KCNMA1: variants seen among roughly 807,000 people sequenced by gnomAD.
KCNMA1 encodes Calcium-activated potassium channel subunit alpha-1.
KCNMA1 carries 29 observed loss-of-function variants against 140.0 expected under a neutral mutation model. The observed-to-expected ratio is 0.21, with a 90% CI of 0.15 to 0.28. The LOEUF (loss-of-function observed/expected upper bound fraction) is 0.28. KCNMA1 is among the 10% of genes least tolerant of loss of function. KCNMA1 has a pLI of 1.00. For missense variants in KCNMA1, 880 were observed against 1,602.2 expected, an observed-to-expected ratio of 0.55 and a Z score of 7.70; for synonymous variants, 612 against 611.9, an observed-to-expected ratio of 1.00 and a Z score of 0.00.
chr10:76,977,899 C>T (rs1446818932), intron 19 of KCNMA1: 9 of 441,002 alleles, frequency 2.0e-5, no homozygotes, highest in Non-Finnish European at 3.7e-5. Flanking sequence ...AGCAATTCCT[C>T]GAAGCTGTCA....
In KCNMA1 at chr10:77,179,767, A is replaced by G. The variant is rs141541378; in HGVS notation, c.808+3654T>C. ...GGACAAGATAATCTCTCTTAGCCTCAGTTTCTTCATCTGTAAATGGGGAAA... is the reference window on the plus strand; with the variant it reads ...GGACAAGATAATCTCTCTTAGCCTCGGTTTCTTCATCTGTAAATGGGGAAA... On this transcript the variant is annotated intron_variant, in intron 5 of 27. Transcript: ENST00000286628. Among the ~76,000 whole-genome samples the G allele has an allele frequency of 3.7e-4, 57 of 152,244 alleles. 1 individual carries two copies. Among genetic ancestry groups the G allele is most frequent in the African/African-American group, 1.3e-3 (56 of 41,544 alleles).
intron 2 of KCNMA1, among the ~76,000 whole-genome samples, chr10:77,276,119 C>A (rs922689330): frequency 3.3e-5 from 5 of 152,208 alleles, no homozygotes; most frequent in Non-Finnish European, 7.3e-5. Context: ...CAGGCTGCTG[C>A]ATCTCAGAGT....
intron 5 of KCNMA1, among the ~76,000 whole-genome samples, chr10:77,156,039 A>G (rs998227605): frequency 6.6e-6 from 1 of 152,076 alleles, no homozygotes; most frequent in South Asian, 2.1e-4. Flanking sequence ...CATCCTGGCT[A>G]ACAGGGTGAA....
At chr10:77,133,070 A>G (rs986502115) in intron 5 of KCNMA1, among the ~76,000 whole-genome samples, 3 of 151,912 alleles carry the variant, frequency 2.0e-5, no homozygotes, top group African/African-American at 7.2e-5. Context: ...AATCATATAT[A>G]TTAACAGAAA....
At chr10:77,314,733 C>G (rs1184929906) in intron 2 of KCNMA1, among the ~76,000 whole-genome samples, 1 of 152,126 alleles carries the variant, frequency 6.6e-6, no homozygotes. Flanking sequence ...CTCACCAACT[C>G]TCTTCCTAAA....
chr10:77,391,601 T>C (rs2095825015), intron 2 of KCNMA1, among the ~76,000 whole-genome samples: 1 of 144,260 alleles, frequency 6.9e-6, no homozygotes, highest in South Asian at 2.3e-4. Flanking sequence ...GTCATTTCCC[T>C]GAAGTAGGTT....
chr10:77,568,159 G>A (rs1644491888), intron 1 of KCNMA1, among the ~76,000 whole-genome samples: 1 of 152,192 alleles, frequency 6.6e-6, no homozygotes, highest in Non-Finnish European at 1.5e-5. Flanking sequence ...AGAGGTACAA[G>A]GAGGAACTGG....
At chr10:77,322,642 A>G (rs1249211318) in intron 2 of KCNMA1, among the ~76,000 whole-genome samples, 1 of 152,156 alleles carries the variant, frequency 6.6e-6, no homozygotes, top group African/African-American at 2.4e-5. Context: ...AAAGTTGTCA[A>G]TGAGGGGAAG....
At chr10:76,879,530 C>T (rs2033702387) in intron 29 of KCNMA1, among the ~76,000 whole-genome samples, 1 of 152,062 alleles carries the variant, frequency 6.6e-6, no homozygotes, top group South Asian at 2.1e-4. Context: ...GCTTGCCAGA[C>T]TCCTACAGCT....
At chr10:77,299,725 T>C (rs872794) in intron 2 of KCNMA1, among the ~76,000 whole-genome samples, 52,154 of 151,896 alleles carry the variant, frequency 0.34, 9,759 homozygotes, top group East Asian at 0.49. Context: ...GAACCTGGTG[T>C]TTTCCAAAGG....
chr10:76,876,435 C>T (rs1443251436), downstream of KCNMA1: 4 of 152,566 alleles, frequency 2.6e-5, no homozygotes, highest in East Asian at 1.9e-4. Context: ...AGCATGCAAG[C>T]GATAGCAGAG....
chr10:77,170,942 CAG>C (rs1326566598), intron 5 of KCNMA1, among the ~76,000 whole-genome samples: 2 of 152,092 alleles, frequency 1.3e-5, no homozygotes, highest in Non-Finnish European at 2.9e-5. Flanking sequence ...GTAAATGACT[CAG>C]ATTTTAATCT....
intron 6 of KCNMA1, among the ~76,000 whole-genome samples, chr10:77,115,602 G>T (rs185989033): frequency 6.6e-6 from 1 of 152,148 alleles, no homozygotes; most frequent in Non-Finnish European, 1.5e-5. Flanking sequence ...ACCATGTAGA[G>T]TCCTCTTGAG....
At chr10:76,902,087 T>G (rs959487895) in intron 25 of KCNMA1, 1 of 152,046 alleles carries the variant, frequency 6.6e-6, no homozygotes, top group African/African-American at 2.4e-5. Context: ...GTAGGGCACT[T>G]CACGGAGCAT....
chr10:77,086,919 G>T (rs527805936), intron 10 of KCNMA1, among the ~76,000 whole-genome samples: 5 of 152,320 alleles, frequency 3.3e-5, no homozygotes, highest in Non-Finnish European at 7.3e-5. Context: ...TAGTGGGATG[G>T]TTCATTTTAT....
chr10:77,147,054 T>G (rs532126005), intron 5 of KCNMA1, among the ~76,000 whole-genome samples: 31 of 152,246 alleles, frequency 2.0e-4, no homozygotes, highest in African/African-American at 7.5e-4. Context: ...GAACGAACAA[T>G]GAAGCACATA....
intron 1 of KCNMA1, among the ~76,000 whole-genome samples, chr10:77,567,270 T>C (rs1473343753): frequency 6.6e-6 from 1 of 152,236 alleles, no homozygotes; most frequent in Non-Finnish European, 1.5e-5. Context: ...TCTGTCACCA[T>C]GTTAACCACA....
intron 1 of KCNMA1, among the ~76,000 whole-genome samples, chr10:77,625,788 T>C (rs1304581739): frequency 6.6e-6 from 1 of 152,248 alleles, no homozygotes; most frequent in African/African-American, 2.4e-5. Flanking sequence ...TTGGCCATTG[T>C]AAATAATGCT....
intron 1 of KCNMA1, among the ~76,000 whole-genome samples, chr10:77,446,626 A>C (rs1232100221): frequency 8.5e-5 from 13 of 152,244 alleles, no homozygotes. Context: ...GCCCAAGGCA[A>C]TAACTTGGAG....
Sources: allele counts gnomAD v4.1 joint callset (sites outside exome capture counted in the v4.1 genomes callset), GRCh38; gene constraint gnomAD v4.1.1; transcripts MANE v1.5; gene names NCBI Gene and HGNC (gene_info 2026-07-23, HGNC 2026-07-21).